COL8A1: variants seen among roughly 807,000 people sequenced by gnomAD.
The protein encoded by COL8A1 is collagen alpha-1(VIII) chain.
COL8A1 carries 21 observed loss-of-function variants against 42.7 expected under a neutral mutation model. The observed-to-expected ratio is 0.49, with a 90% CI of 0.35 to 0.71. The LOEUF is 0.71. Ranked by LOEUF, COL8A1 falls within the 30% of genes least tolerant of loss-of-function variation. COL8A1 has a pLI of 0.01. For synonymous variants in COL8A1, 367 were observed against 369.1 expected (o/e 0.99, Z 0.06); for missense variants, 788 against 962.4 (o/e 0.82, Z 2.40).
chr3:99,648,867 A>G (rs1373215102), intron 1 of COL8A1, among the ~76,000 whole-genome samples: 1 of 152,140 alleles, frequency 6.6e-6, no homozygotes, highest in East Asian at 1.9e-4. Context: ...CCAAGCCATG[A>G]GAGTCACCTA....
At chr3:99,764,243 T>G (rs1241961427) in intron 2 of COL8A1, among the ~76,000 whole-genome samples, 2 of 152,192 alleles carry the variant, frequency 1.3e-5, no homozygotes, top group African/African-American at 4.8e-5. Context: ...TATTTTTGTT[T>G]CCAATTTACA....
intron 1 of COL8A1, among the ~76,000 whole-genome samples, chr3:99,739,705 C>G (rs1207070663): frequency 6.6e-6 from 1 of 152,132 alleles, no homozygotes; most frequent in Non-Finnish European, 1.5e-5. Flanking sequence ...AGGGTGCAAA[C>G]AGCCAGCCCA....
rs544799580 is a variant in COL8A1, at chr3:99,669,551, G to A, written c.-129+30887G>A. Reference sequence around the variant, plus strand: ...TTTAGAGTTTAAGACTATAAAGGGAGAAACTAAGGCTCAGAGATAATAGGT... The same window carrying A: ...TTTAGAGTTTAAGACTATAAAGGGAAAAACTAAGGCTCAGAGATAATAGGT... On this transcript the variant is annotated intron_variant, in intron 1 of 3. Coordinates refer to ENST00000652472, the MANE Select transcript of COL8A1 (RefSeq NM_020351.4). 3.3e-5 allele frequency among the ~76,000 whole-genome samples: 5 copies of A among 152,078 alleles called. No homozygotes were observed. In the South Asian group the frequency reaches 1.0e-3, roughly 32 times the overall value.
intron 1 of COL8A1, among the ~76,000 whole-genome samples, chr3:99,641,607 T>G (rs1276885679): frequency 6.6e-6 from 1 of 152,184 alleles, no homozygotes; most frequent in Non-Finnish European, 1.5e-5. Context: ...TGTTGAGTGC[T>G]TATTTGTAAG....
chr3:99,776,554 C>CA (rs1230459865), intron 2 of COL8A1, among the ~76,000 whole-genome samples: 3 of 151,480 alleles, frequency 2.0e-5, no homozygotes, highest in Admixed American at 6.6e-5. Context: ...ACTTTGTAAG[C>CA]AAAAAAAATT....
At chr3:99,785,756 G>T (rs750268532) in intron 2 of COL8A1, among the ~76,000 whole-genome samples, 18 of 152,178 alleles carry the variant, frequency 1.2e-4, no homozygotes, top group Non-Finnish European at 2.4e-4. Flanking sequence ...GGAGGTGACT[G>T]CCATCTACAA....
chr3:99,745,905 T>C (rs1941015321), intron 2 of COL8A1, among the ~76,000 whole-genome samples: 1 of 152,132 alleles, frequency 6.6e-6, no homozygotes, highest in African/African-American at 2.4e-5. Context: ...ACAGCCATCC[T>C]ATGCTTATTA....
chr3:99,696,104 G>T (rs549977110), intron 1 of COL8A1, among the ~76,000 whole-genome samples: 1 of 152,144 alleles, frequency 6.6e-6, no homozygotes, highest in African/African-American at 2.4e-5. Context: ...ACTGCACTCC[G>T]GCCTGGGCGA....
intron 1 of COL8A1, among the ~76,000 whole-genome samples, chr3:99,716,038 G>A (rs539492227): frequency 1.3e-4 from 19 of 151,906 alleles, no homozygotes; most frequent in Middle Eastern, 3.4e-3. Context: ...AACCCTTTTC[G>A]TCCAAAGGTA....
intron 1 of COL8A1, among the ~76,000 whole-genome samples, chr3:99,701,150 G>A (rs1227788350): frequency 6.6e-6 from 1 of 152,196 alleles, no homozygotes; most frequent in East Asian, 1.9e-4. Context: ...CCCCGGCTGA[G>A]GCAACTGGGA....
chr3:99,733,555 A>G (rs998073111), intron 1 of COL8A1, among the ~76,000 whole-genome samples: 21 of 151,902 alleles, frequency 1.4e-4, no homozygotes, highest in African/African-American at 5.1e-4. Flanking sequence ...TCATTGTTGG[A>G]CGTTTGGGTT....
intron 1 of COL8A1, among the ~76,000 whole-genome samples, chr3:99,663,399 C>T (rs1175502064): frequency 6.6e-6 from 1 of 152,148 alleles, no homozygotes; most frequent in Non-Finnish European, 1.5e-5. Context: ...TCTAGGGCCT[C>T]TCAAAATTGT....
intron 1 of COL8A1, among the ~76,000 whole-genome samples, chr3:99,709,466 G>A (rs1939775239): frequency 6.6e-6 from 1 of 152,116 alleles, no homozygotes; most frequent in South Asian, 2.1e-4. Context: ...TTCAAAGCTT[G>A]GCAGTCTCTG....
At chr3:99,640,464 A>C (rs933733298) in intron 1 of COL8A1, among the ~76,000 whole-genome samples, 2 of 152,192 alleles carry the variant, frequency 1.3e-5, no homozygotes, top group African/African-American at 4.8e-5. Flanking sequence ...CCTTGAGGGA[A>C]GTTATCTTTT....
intron 1 of COL8A1, among the ~76,000 whole-genome samples, chr3:99,663,641 A>G (rs191445131): frequency 4.6e-5 from 7 of 152,192 alleles, no homozygotes; most frequent in African/African-American, 1.7e-4. Flanking sequence ...CATTTTCCCT[A>G]TTTAATTGAT....
intron 1 of COL8A1, among the ~76,000 whole-genome samples, chr3:99,737,391 CT>C (rs1940758967): frequency 6.6e-6 from 1 of 152,104 alleles, no homozygotes; most frequent in African/African-American, 2.4e-5. Flanking sequence ...ATATTTAGTG[CT>C]TCCTTCAGGA....
intron 2 of COL8A1, among the ~76,000 whole-genome samples, chr3:99,768,242 C>T (rs1941502289): frequency 6.6e-6 from 1 of 152,188 alleles, no homozygotes; most frequent in Admixed American, 6.5e-5. Context: ...TACAATCAAG[C>T]TCCAAATCAC....
At chr3:99,659,567 T>C (rs1298208231) in intron 1 of COL8A1, among the ~76,000 whole-genome samples, 4 of 152,154 alleles carry the variant, frequency 2.6e-5, no homozygotes, top group Non-Finnish European at 5.9e-5. Context: ...AATTTTGTAT[T>C]ATTGACAAAG....
intron 1 of COL8A1, among the ~76,000 whole-genome samples, chr3:99,695,166 A>C (rs1939331685): frequency 6.6e-6 from 1 of 152,164 alleles, no homozygotes; most frequent in Non-Finnish European, 1.5e-5. Context: ...GGTTAATTTC[A>C]ATAATATATT....
Sources: allele counts gnomAD v4.1 joint callset (sites outside exome capture counted in the v4.1 genomes callset), GRCh38; gene constraint gnomAD v4.1.1; transcripts MANE v1.5; gene names NCBI Gene and HGNC (gene_info 2026-07-23, HGNC 2026-07-21).